The following RORB variants were observed in gnomAD, a reference collection of about 807,000 sequenced individuals.
The protein encoded by RORB is RAR related orphan receptor B.
In RORB, 6 loss-of-function variants were observed where a neutral mutation model predicts 59.1. The observed-to-expected ratio is 0.10, with a 90% CI of 0.06 to 0.20. The LOEUF (loss-of-function observed/expected upper bound fraction) is 0.20, where lower values mean the gene tolerates loss of function less well. RORB is among the 10% of genes least tolerant of loss of function. The pLI is 1.00. For missense variants in RORB, 320 were observed against 560.5 expected, an observed-to-expected ratio of 0.57 and a Z score of 4.33; for synonymous variants, 215 against 204.5, an observed-to-expected ratio of 1.05 and a Z score of -0.44.
intron 1 of RORB, among the ~76,000 whole-genome samples, chr9:74,518,179 C>T (rs555661325): frequency 2.0e-5 from 3 of 151,946 alleles, no homozygotes; most frequent in Admixed American, 6.6e-5. Context: ...GTCAAGCCAA[C>T]GCTAAGTGAG....
chr9:74,571,901 G>A (rs1822558050), intron 1 of RORB, among the ~76,000 whole-genome samples: 1 of 152,202 alleles, frequency 6.6e-6, no homozygotes, highest in South Asian at 2.1e-4. Flanking sequence ...AATTCCTTCC[G>A]TGGACATTCC....
chr9:74,526,414 G>A (rs192583910), intron 1 of RORB, among the ~76,000 whole-genome samples: 61 of 151,684 alleles, frequency 4.0e-4, no homozygotes, highest in African/African-American at 1.1e-3. Context: ...CATGGAGCTC[G>A]CCTTCCTTCC....
At chr9:74,682,091 G>A (rs944888035) in intron 9 of RORB, among the ~76,000 whole-genome samples, 1 of 152,074 alleles carries the variant, frequency 6.6e-6, no homozygotes, top group Admixed American at 6.5e-5. Flanking sequence ...CAGACTGTGG[G>A]AGTGGAAGCA....
At chr9:74,634,979 C>T (rs1011034283) in intron 3 of RORB, among the ~76,000 whole-genome samples, 6 of 152,098 alleles carry the variant, frequency 3.9e-5, no homozygotes, top group Non-Finnish European at 5.9e-5. Flanking sequence ...AAGACTTTAC[C>T]ATAGCTCAGG....
At chr9:74,605,173 T>G (rs1308591690) in intron 1 of RORB, among the ~76,000 whole-genome samples, 11 of 152,218 alleles carry the variant, frequency 7.2e-5, no homozygotes, top group Non-Finnish European at 1.5e-4. Context: ...ATAGCATATG[T>G]ATTAATGATG....
chr9:74,685,386 G>A (rs892248508), intron 9 of RORB, 77 bp from the exon 10 acceptor site: 5 of 1,224,156 alleles, frequency 4.1e-6, no homozygotes, highest in Non-Finnish European at 4.4e-6. Flanking sequence ...TCTGGGGCCA[G>A]AAAGGACACT....
chr9:74,678,452 C>T (rs1029686980), intron 9 of RORB, among the ~76,000 whole-genome samples: 11 of 152,074 alleles, frequency 7.2e-5, no homozygotes, highest in African/African-American at 2.7e-4. Flanking sequence ...GAGAGAGAAG[C>T]ATGTCTTTCT....
intron 1 of RORB, among the ~76,000 whole-genome samples, chr9:74,555,047 G>T (rs1195720665): frequency 1.3e-5 from 2 of 152,228 alleles, no homozygotes; most frequent in African/African-American, 4.8e-5. Context: ...GAGGAGATCA[G>T]TCATTAAAAC....
rs140157935 is a variant in RORB, at chr9:74,579,298, T to C, written c.8-50984T>C. On this transcript the variant is annotated intron_variant, in intron 1 of 9. Coordinates refer to ENST00000376896, the MANE Select transcript of RORB (RefSeq NM_006914.4). Reference sequence around the variant, plus strand: ...CTGTTTTATTACTTATTAAACACAATTAATTAATTAAACACATTAATTAAT... The same window carrying C: ...CTGTTTTATTACTTATTAAACACAACTAATTAATTAAACACATTAATTAAT... 3.3e-3 allele frequency among the ~76,000 whole-genome samples: 499 copies of C among 152,198 alleles called. 2 individuals carry two copies. The highest frequency in any genetic ancestry group is 0.011 in the African/African-American group (469 of 41,542).
intron 1 of RORB, among the ~76,000 whole-genome samples, chr9:74,589,741 A>G (rs1207990606): frequency 2.0e-5 from 3 of 152,292 alleles, no homozygotes; most frequent in Middle Eastern, 6.8e-3. Flanking sequence ...CGCCTCCCCC[A>G]GGGACTTTCT....
At chr9:74,503,403 A>G (rs1256889417) in intron 1 of RORB, among the ~76,000 whole-genome samples, 1 of 152,070 alleles carries the variant, frequency 6.6e-6, no homozygotes, top group African/African-American at 2.4e-5. Context: ...AGACAAGAAG[A>G]ATGAATATTT....
chr9:74,610,431 A>G (rs188072953), intron 1 of RORB, among the ~76,000 whole-genome samples: 1 of 152,364 alleles, frequency 6.6e-6, no homozygotes, highest in African/African-American at 2.4e-5. Context: ...ATAGTATCCT[A>G]GTAATGGTTC....
chr9:74,499,720 T>G (rs1825780915), intron 1 of RORB, among the ~76,000 whole-genome samples: 1 of 152,122 alleles, frequency 6.6e-6, no homozygotes, highest in African/African-American at 2.4e-5. Flanking sequence ...TTTTTCTTTT[T>G]CTAGCCCATC....
At chr9:74,540,520 C>A (rs950611124) in intron 1 of RORB, among the ~76,000 whole-genome samples, 2 of 152,090 alleles carry the variant, frequency 1.3e-5, no homozygotes, top group Non-Finnish European at 2.9e-5. Context: ...ACGCATACAG[C>A]AAATAAGAAA....
intron 1 of RORB, among the ~76,000 whole-genome samples, chr9:74,528,193 T>C (rs1038654399): frequency 2.6e-5 from 4 of 151,986 alleles, no homozygotes; most frequent in South Asian, 2.1e-4. Flanking sequence ...ATTACCCAAC[T>C]TGAGTGAAAC....
At chr9:74,637,440 C>T (rs1570502) in intron 3 of RORB, among the ~76,000 whole-genome samples, 44,262 of 151,946 alleles carry the variant, frequency 0.29, 7,796 homozygotes, top group East Asian at 0.54. Flanking sequence ...TTAGCTTAAA[C>T]GAAGAATCAA....
intron 1 of RORB, among the ~76,000 whole-genome samples, chr9:74,568,116 A>C (rs1822495326): frequency 6.6e-6 from 1 of 152,172 alleles, no homozygotes; most frequent in Non-Finnish European, 1.5e-5. Flanking sequence ...AATTTTTATA[A>C]CACCTTTCAC....
intron 1 of RORB, among the ~76,000 whole-genome samples, chr9:74,558,248 G>A (rs1822337805): frequency 6.6e-6 from 1 of 152,092 alleles, no homozygotes; most frequent in South Asian, 2.1e-4. Flanking sequence ...GCTGCATCCA[G>A]CCTGTGTGCC....
chr9:74,597,504 CTA>C (rs1336458133), intron 1 of RORB, among the ~76,000 whole-genome samples: 1 of 152,144 alleles, frequency 6.6e-6, no homozygotes, highest in Non-Finnish European at 1.5e-5. Context: ...TTAAGCATAA[CTA>C]TATCATTTTG....
Sources: gnomAD v4.1 joint callset for allele counts (sites outside exome capture counted in the v4.1 genomes callset) on GRCh38, gnomAD v4.1.1 for gene constraint, MANE v1.5 for transcripts, NCBI Gene and HGNC (gene_info 2026-07-23, HGNC 2026-07-21) for gene names.